Variants in GLRX3 observed in about 807,000 individuals in gnomAD.
GLRX3 encodes the protein glutaredoxin-3.
In GLRX3, 22 loss-of-function variants were observed where a neutral mutation model predicts 49.5. The ratio of observed to expected loss-of-function variants is 0.44; its 90% confidence interval spans 0.32 to 0.63. GLRX3 has a LOEUF of 0.63. Among genes scored for constraint, GLRX3 ranks in the 30% least tolerant of loss-of-function variants. The pLI is 0.05. For synonymous variants in GLRX3, 133 were observed against 140.0 expected, an observed-to-expected ratio of 0.95 and a Z score of 0.35; for missense variants, 385 against 396.3, an observed-to-expected ratio of 0.97 and a Z score of 0.24.
intron 2 of GLRX3, among the ~76,000 whole-genome samples, chr10:130,154,576 T>G (rs1490904233): frequency 2.0e-5 from 3 of 152,314 alleles, no homozygotes; most frequent in Middle Eastern, 6.8e-3. Context: ...TTTTTTTTTT[T>G]TAATATCACA....
At chr10:130,170,753 A>G (rs939747107) in intron 7 of GLRX3, among the ~76,000 whole-genome samples, 3 of 152,166 alleles carry the variant, frequency 2.0e-5, no homozygotes, top group African/African-American at 7.2e-5. Flanking sequence ...TATCTTTTCC[A>G]CAAGATTGCT....
intron 2 of GLRX3, among the ~76,000 whole-genome samples, chr10:130,149,441 CAA>C (rs57634103): frequency 6.2e-5 from 8 of 128,142 alleles, no homozygotes; most frequent in Non-Finnish European, 5.1e-5. Context: ...GACTCCGTCT[CAA>C]AAAAAAAAAA....
At chr10:130,144,342 C>A (rs1862230475) in intron 1 of GLRX3, among the ~76,000 whole-genome samples, 1 of 142,556 alleles carries the variant, frequency 7.0e-6, no homozygotes, top group South Asian at 2.2e-4. Flanking sequence ...GCAGAATGTG[C>A]AGGTTTCTTA....
Position 130,167,006 on chromosome 10 carries a change from AG to A in GLRX3, c.713+27del, listed in dbSNP as rs769884898. 1.3e-5 allele frequency: 17 copies of A among 1,280,462 alleles called. 1 individual carries two copies. The South Asian group carries it at 2.3e-4, about 17-fold the overall frequency. 79.3% of individuals were successfully genotyped at this position (1,280,462 alleles called of 1,614,324 possible). On this transcript the variant is annotated intron_variant, in intron 6 of 10. Transcript: ENST00000331244. Reference sequence around the variant, plus strand: ...GTAAGTGTTTTAGAAGGTTTCAAATAGCCTATCATTTAATATATTAAAAATA... The same window carrying A: ...GTAAGTGTTTTAGAAGGTTTCAAATACCTATCATTTAATATATTAAAAATA...
chr10:130,141,983 G>C (rs1215533215), intron 1 of GLRX3, among the ~76,000 whole-genome samples: 2 of 152,168 alleles, frequency 1.3e-5, no homozygotes. Context: ...ATGTAATCTA[G>C]CTGAATGCAC....
chr10:130,160,736 T>C (rs2134902528), intron 3 of GLRX3, 60 bp from the exon 4 acceptor site: 1 of 958,572 alleles, frequency 1.0e-6, no homozygotes, highest in East Asian at 2.5e-5. Context: ...AAAAATCTGC[T>C]ATAACAATGT....
intron 8 of GLRX3, among the ~76,000 whole-genome samples, chr10:130,172,499 T>TTATTTCTCATTTCATGATTG (rs1458565311): frequency 3.3e-5 from 5 of 152,234 alleles, no homozygotes; most frequent in Non-Finnish European, 7.3e-5. Flanking sequence ...ATATTTTTGT[T>TTATTTCTCATTTCATGATTG]TATTTCTCAT....
intron 6 of GLRX3, 122 bp from the exon 7 acceptor site, chr10:130,169,311 C>T (rs796085551): frequency 1.5e-6 from 1 of 678,358 alleles, no homozygotes; most frequent in Non-Finnish European, 2.7e-6. Flanking sequence ...TTGTTTAATA[C>T]CACTCAAAGC....
At position 130,145,138 on chromosome 10, in the gene GLRX3, G is replaced by A. The variant is rs560791157; in HGVS notation, c.93-73G>A. ...TAAAGCTTTCTTTTTTTTCTTTTTG[G>A]TAATTTATATCAGTATTTGTGTATT... On this transcript the variant is annotated intron_variant, in intron 1 of 10. Coordinates refer to ENST00000331244, the MANE Select transcript of GLRX3 (RefSeq NM_006541.5). 39 of 589,354 alleles carry A rather than the reference G, an allele frequency of 6.6e-5. No homozygotes were observed. The African/African-American group carries it at 7.2e-4, about 11-fold the overall frequency. 36.5% of individuals were successfully genotyped at this position (589,354 alleles called of 1,614,324 possible). A position where few individuals can be genotyped will look rare whatever the true frequency, so the allele number is the denominator to read the frequency against.
At chr10:130,138,762 GA>G (rs1466756401) in intron 1 of GLRX3, among the ~76,000 whole-genome samples, 1 of 151,336 alleles carries the variant, frequency 6.6e-6, no homozygotes, top group Non-Finnish European at 1.5e-5. Context: ...ACCATCACCT[GA>G]AAGGCTGTTT....
chr10:130,136,532 G>A lies in GLRX3; in HGVS notation c.92+20G>A. On this transcript the variant is annotated intron_variant, in intron 1 of 10. Coordinates refer to ENST00000331244, the MANE Select transcript of GLRX3 (RefSeq NM_006541.5). ...AGCCAAGTAAGCGGGGCGGCGAGCG[G>A]TAGGAGTGAGGAGCCGGAGCGGGAG... The A allele has an allele frequency of 7.9e-7, 1 of 1,260,750 alleles. No individual in the cohort carries two copies. The allele number at this position is 1,260,750 out of a possible 1,614,324, so 78.1% of individuals were successfully genotyped here. A position where few individuals can be genotyped will look rare whatever the true frequency, so the allele number is the denominator to read the frequency against.
At chr10:130,158,112 G>GT (rs1432813758) in intron 2 of GLRX3, among the ~76,000 whole-genome samples, 1 of 152,142 alleles carries the variant, frequency 6.6e-6, no homozygotes, top group Non-Finnish European at 1.5e-5. Context: ...AGTTGTGGTA[G>GT]TTCTCAGCCT....
chr10:130,152,514 C>T (rs1177574684), intron 2 of GLRX3, among the ~76,000 whole-genome samples: 1 of 152,182 alleles, frequency 6.6e-6, no homozygotes, highest in African/African-American at 2.4e-5. Flanking sequence ...GTGACAGAAT[C>T]TCTCAGCATT....
intron 8 of GLRX3, among the ~76,000 whole-genome samples, chr10:130,172,405 A>G (rs1168761084): frequency 6.6e-6 from 1 of 152,234 alleles, no homozygotes. Context: ...GCTGTCAGGT[A>G]AGAACATTGC....
intron 2 of GLRX3, among the ~76,000 whole-genome samples, chr10:130,151,329 G>A (rs2134886317): frequency 6.6e-6 from 1 of 152,116 alleles, no homozygotes; most frequent in South Asian, 2.1e-4. Context: ...CTGTTTCTGG[G>A]CTAAGTTTGG....
rs576066953 is a variant in GLRX3, at chr10:130,144,493, G to A, written c.93-718G>A. Among the ~76,000 whole-genome samples, 12 of 150,428 alleles carry A rather than the reference G, an allele frequency of 8.0e-5. 1 individual carries two copies. The South Asian group carries it at 2.5e-3, about 32-fold the overall frequency. On this transcript the variant is annotated intron_variant, in intron 1 of 10. Coordinates refer to ENST00000331244, the MANE Select transcript of GLRX3 (RefSeq NM_006541.5). ...CCCCTGACAGGCCCTGGTATGTGAT[G>A]TTCCCCTCCCTGTGTCCGTGTGGTT... is the stretch of plus-strand genomic sequence containing the variant.
chr10:130,179,280 T>G, intron 10 of GLRX3, 62 bp from the exon 11 acceptor site: 1 of 783,012 alleles, frequency 1.3e-6, no homozygotes, highest in Non-Finnish European at 2.2e-6. Flanking sequence ...TGTGATTGTT[T>G]AGATGTTTCC....
chr10:130,138,143 A>G (rs944205352), intron 1 of GLRX3, among the ~76,000 whole-genome samples: 7 of 151,310 alleles, frequency 4.6e-5, no homozygotes, highest in African/African-American at 1.7e-4. Context: ...TGCAGCCTCT[A>G]CCTCCTGGGT....
intron 2 of GLRX3, among the ~76,000 whole-genome samples, chr10:130,150,921 G>A (rs931206725): frequency 6.6e-6 from 1 of 151,098 alleles, no homozygotes; most frequent in Admixed American, 6.6e-5. Context: ...GATAATTCTG[G>A]TAGAATTGTT....
Sources: gnomAD v4.1 joint callset for allele counts (sites outside exome capture counted in the v4.1 genomes callset) on GRCh38, gnomAD v4.1.1 for gene constraint, MANE v1.5 for transcripts, NCBI Gene and HGNC (gene_info 2026-07-23, HGNC 2026-07-21) for gene names.